The following ZNF512 variants were observed in gnomAD, a reference collection of about 807,000 sequenced individuals.
ZNF512 encodes zinc finger protein 512.
Under a neutral mutation model 77.5 loss-of-function variants are expected in ZNF512, and 25 were observed. That is an observed-to-expected ratio of 0.32 (90% CI 0.23 to 0.45). The LOEUF (loss-of-function observed/expected upper bound fraction) is 0.45. ZNF512 is among the 20% of genes least tolerant of loss of function. The probability of loss-of-function intolerance (pLI) is 1.00; values close to 1 mark genes in which losing one functional copy is unlikely to be tolerated. For missense variants in ZNF512, 483 were observed against 692.6 expected, an observed-to-expected ratio of 0.70 and a Z score of 3.40; for synonymous variants, 246 against 239.9, an observed-to-expected ratio of 1.03 and a Z score of -0.24.
intron 10 of ZNF512, among the ~76,000 whole-genome samples, chr2:27,613,527 G>A (rs1039910121): frequency 1.3e-5 from 2 of 151,728 alleles, no homozygotes; most frequent in African/African-American, 4.8e-5. Context: ...TATATATACA[G>A]TTGTCCCTCA....
In ZNF512 at chr2:27,583,502, T is replaced by C. The variant is rs561552941; in HGVS notation, c.31-156T>C. On this transcript the variant is annotated intron_variant, in intron 1 of 13. Coordinates refer to ENST00000355467, the MANE Select transcript of ZNF512 (RefSeq NM_032434.4). ...TACCCGCCTTTGCACTGCTGGAAGA[T>C]AGGACAGCATATTTTTCCTAAAAGG... 27 of 1,496,592 alleles carry C rather than the reference T, an allele frequency of 1.8e-5. No individual in the cohort carries two copies. In the African/African-American group the frequency reaches 3.1e-4, roughly 17 times the overall value. 92.7% of individuals were successfully genotyped at this position (1,496,592 alleles called of 1,614,324 possible).
intron 13 of ZNF512, among the ~76,000 whole-genome samples, chr2:27,620,024 T>C (rs963113737): frequency 1.3e-5 from 2 of 152,192 alleles, no homozygotes; most frequent in African/African-American, 4.8e-5. Context: ...ATTGCATTTG[T>C]TTGTTTTAAT....
rs145507630 is a variant in ZNF512 at position 27,606,181 on chromosome 2, T to C, written c.937-1664T>C. ...TGAGGGGAAGATTTTTGTTGTCTTA[T>C]TAAGTTTGGGATATATTCTGGGTTT... On this transcript the variant is annotated intron_variant, in intron 9 of 13. Transcript: ENST00000355467. Among the ~76,000 whole-genome samples, 60 of 152,190 alleles carry C rather than the reference T, an allele frequency of 3.9e-4. 1 individual carries two copies. The East Asian group carries it at 6.9e-3, about 18-fold the overall frequency.
intron 10 of ZNF512, among the ~76,000 whole-genome samples, chr2:27,610,805 C>T (rs1672624751): frequency 1.3e-5 from 2 of 151,122 alleles, no homozygotes; most frequent in African/African-American, 4.9e-5. Context: ...CTCCTGAGCT[C>T]AGGCAATTCG....
intron 9 of ZNF512, among the ~76,000 whole-genome samples, chr2:27,604,204 G>A (rs1558471609): frequency 6.6e-6 from 1 of 152,182 alleles, no homozygotes; most frequent in Admixed American, 6.5e-5. Flanking sequence ...TGGGATTATA[G>A]GCGTGAGCCA....
At chr2:27,603,408 C>T in intron 9 of ZNF512, 101 bp downstream of exon 9, 1 of 1,212,452 alleles carries the variant, frequency 8.2e-7, no homozygotes, top group Admixed American at 2.2e-5. Context: ...CATTTGTATC[C>T]TCTTTTAATC....
At chr2:27,603,341 G>A (rs901551961) in intron 9 of ZNF512, 34 bp downstream of exon 9, 2 of 1,607,240 alleles carry the variant, frequency 1.2e-6, no homozygotes, top group Non-Finnish European at 8.5e-7. Flanking sequence ...CCCTGCGTGG[G>A]GATGTATTTC....
Position 27,602,437 on chromosome 2 carries a change from T to C in ZNF512, c.670-26T>C, listed in dbSNP as rs59286770. 6.2e-3 allele frequency: 9,976 copies of C among 1,599,940 alleles called. 555 individuals carry two copies. The African/African-American group carries it at 0.12, about 19-fold the overall frequency. On this transcript the variant is annotated intron_variant, in intron 7 of 13. Transcript: ENST00000355467. ...GTCTTATCTTTTCCATGAATCATCTTCTTGTTTACTTCTCTTGATTTCTAG... is the reference window on the plus strand; with the variant it reads ...GTCTTATCTTTTCCATGAATCATCTCCTTGTTTACTTCTCTTGATTTCTAG...
chr2:27,602,336 A>G, intron 7 of ZNF512, 127 bp from the exon 8 acceptor site: 1 of 794,588 alleles, frequency 1.3e-6, no homozygotes, highest in Admixed American at 2.9e-5. Context: ...CAGGAGTCAG[A>G]AAACTTGGGC....
At chr2:27,619,194 G>T (rs527522651) in intron 13 of ZNF512, among the ~76,000 whole-genome samples, 18 of 152,326 alleles carry the variant, frequency 1.2e-4, no homozygotes, top group African/African-American at 3.8e-4. Flanking sequence ...CAGATCACCT[G>T]AGGTCAGGAG....
chr2:27,604,015 C>T (rs1335304305), intron 9 of ZNF512, among the ~76,000 whole-genome samples: 1 of 152,152 alleles, frequency 6.6e-6, no homozygotes, highest in Non-Finnish European at 1.5e-5. Context: ...TGACCTCCGC[C>T]TCCTGGGTTC....
At chr2:27,620,884 A>G (rs969181596) in intron 13 of ZNF512, among the ~76,000 whole-genome samples, 5 of 152,316 alleles carry the variant, frequency 3.3e-5, no homozygotes, top group East Asian at 1.9e-4. Flanking sequence ...CTCAGGAGAT[A>G]TAAGAGTGGG....
intron 11 of ZNF512, 37 bp downstream of exon 11, chr2:27,615,306 A>G: frequency 7.5e-7 from 1 of 1,337,538 alleles, no homozygotes; most frequent in Non-Finnish European, 1.0e-6. Flanking sequence ...GTAAATGTTT[A>G]TCAAGCATCT....
intron 10 of ZNF512, among the ~76,000 whole-genome samples, chr2:27,608,974 T>G (rs564711712): frequency 6.6e-6 from 1 of 151,930 alleles, no homozygotes; most frequent in South Asian, 2.1e-4. Flanking sequence ...CCTGGTGTGG[T>G]GGCAGGTGCC....
chr2:27,597,868 C>T (rs1031411379), intron 2 of ZNF512, among the ~76,000 whole-genome samples, 199 bp from the exon 3 acceptor site: 3 of 152,172 alleles, frequency 2.0e-5, no homozygotes, highest in African/African-American at 7.2e-5. Flanking sequence ...ACTCTTATTA[C>T]AATGAAGTGT....
In ZNF512 at chr2:27,583,375, A is replaced by G. The variant is rs998645825; in HGVS notation, c.30+233A>G. 1.1e-5 allele frequency: 15 copies of G among 1,369,776 alleles called. No homozygotes were observed. In the African/African-American group the frequency reaches 2.1e-4, roughly 19 times the overall value. 84.9% of individuals were successfully genotyped at this position (1,369,776 alleles called of 1,614,324 possible). ...TACCATTAGTTTCTATTCCTTTTAC[A>G]TCCCCAATGTCTCTCATATCCGTTG... is the stretch of plus-strand genomic sequence containing the variant. On this transcript the variant is annotated intron_variant, in intron 1 of 13. Coordinates refer to ENST00000355467, the MANE Select transcript of ZNF512 (RefSeq NM_032434.4).
At chr2:27,619,531 T>TC (rs1157914227) in intron 13 of ZNF512, among the ~76,000 whole-genome samples, 3 of 152,178 alleles carry the variant, frequency 2.0e-5, no homozygotes, top group African/African-American at 7.2e-5. Flanking sequence ...TGGGGCATGC[T>TC]CCCAGGCATT....
At chr2:27,596,885 C>A (rs1188855803) in intron 2 of ZNF512, among the ~76,000 whole-genome samples, 2 of 152,198 alleles carry the variant, frequency 1.3e-5, no homozygotes, top group Non-Finnish European at 2.9e-5. Flanking sequence ...GTGATGTTTG[C>A]ACTTAAATAT....
chr2:27,614,627 G>A (rs988725660), intron 10 of ZNF512, among the ~76,000 whole-genome samples: 2 of 149,466 alleles, frequency 1.3e-5, no homozygotes, highest in Non-Finnish European at 3.0e-5. Context: ...GCAGTGAGCC[G>A]AGATCGTGCC....
Sources: allele counts gnomAD v4.1 joint callset (sites outside exome capture counted in the v4.1 genomes callset), GRCh38; gene constraint gnomAD v4.1.1; transcripts MANE v1.5; gene names NCBI Gene and HGNC (gene_info 2026-07-23, HGNC 2026-07-21).